Variants in ATR observed in about 807,000 individuals in gnomAD.
ATR encodes the protein ATR checkpoint kinase.
Under a neutral mutation model 305.3 loss-of-function variants are expected in ATR, and 142 were observed. The ratio of observed to expected loss-of-function variants is 0.47; its 90% CI spans 0.41 to 0.53. The LOEUF (loss-of-function observed/expected upper bound fraction) is 0.53, where lower values mean the gene tolerates loss of function less well. ATR is among the 20% of genes least tolerant of loss of function. The pLI, the probability that ATR is intolerant of heterozygous loss-of-function variation, is 0.00. For synonymous variants in ATR, 1,050 were observed against 1,068.1 expected, an observed-to-expected ratio of 0.98 and a Z score of 0.33; for missense variants, 2,135 against 3,133.1, an observed-to-expected ratio of 0.68 and a Z score of 7.60.
Position 142,467,958 on chromosome 3 carries a change from C to T in ATR, c.6663G>A (p.Lys2221=), listed in dbSNP as rs2108275836. The T allele has an allele frequency of 1.9e-6, 3 of 1,612,904 alleles. No homozygotes were observed. The highest frequency in any genetic ancestry group is 2.5e-6 in the Non-Finnish European group (3 of 1,179,460). ...CCGGTTTATTGCACAATTCTAGAAGCTTATCTGTTAGGCGAGTTGCATCTC... is the reference window on the plus strand; with the variant it reads ...CCGGTTTATTGCACAATTCTAGAAGTTTATCTGTTAGGCGAGTTGCATCTC... ...FVGDATRLTD[K]LLELCNKPVD... Residue 2221 remains lysine, a synonymous_variant, in exon 39 of 47, where the codon AAG becomes AAA. Transcript: ENST00000350721.
rs750736155 is a variant in ATR, at chr3:142,535,242, C to G, written c.3820-37G>C. On this transcript the variant is annotated intron_variant, in intron 20 of 46. Coordinates refer to ENST00000350721, the MANE Select transcript of ATR (RefSeq NM_001184.4). ...GCACAGAGAGACAGAACTTATTAAT[C>G]AACTATTTTAACAACCATTTCCAAA... 3.7e-6 allele frequency: 6 copies of G among 1,610,584 alleles called. No individual in the cohort carries two copies. In the African/African-American group the frequency reaches 5.3e-5, roughly 14 times the overall value.
At position 142,453,122 on chromosome 3, in the gene ATR, A is replaced by T. The variant is rs1324766766; in HGVS notation, c.7761+6T>A. On this transcript the variant is annotated splice_donor_region_variant and intron_variant, in intron 46 of 46. Transcript: ENST00000350721. ...CAGCCCATATCAAGCTATACCTTCT[A>T]CTAACCTTTTCATTGACAACTTCTC... is the stretch of plus-strand genomic sequence containing the variant. The T allele has an allele frequency of 6.2e-7, 1 of 1,614,028 alleles. No homozygotes were observed. Among genetic ancestry groups the T allele is most frequent in the South Asian group, 1.1e-5 (1 of 91,070 alleles).
Position 142,562,172 on chromosome 3 carries a change from G to A in ATR, c.1170+60C>T, listed in dbSNP as rs2034906054. On this transcript the variant is annotated intron_variant, in intron 4 of 46. Transcript: ENST00000350721. ...TCTTATTATTACATTTTGCACATAT[G>A]TATACAATTAAATGATGAACAAAAT... is the stretch of plus-strand genomic sequence containing the variant. 4 of 1,545,310 alleles carry A rather than the reference G, an allele frequency of 2.6e-6. No homozygotes were observed. The South Asian group carries it at 4.5e-5, about 18-fold the overall frequency.
chr3:142,527,412 GCTTT>G (rs1365962939), intron 21 of ATR, among the ~76,000 whole-genome samples: 1 of 151,986 alleles, frequency 6.6e-6, no homozygotes, highest in Non-Finnish European at 1.5e-5. Context: ...AATCTTTTAA[GCTTT>G]CTATTTCAGC....
At chr3:142,470,001 G>A (rs1281638391) in intron 37 of ATR, 85 bp downstream of exon 37, 1 of 1,038,182 alleles carries the variant, frequency 9.6e-7, no homozygotes, top group Non-Finnish European at 1.4e-6. Flanking sequence ...CAAGCTTCTA[G>A]GAAATTAGAC....
intron 33 of ATR, 148 bp from the exon 34 acceptor site, chr3:142,496,668 A>G (rs2031664574): frequency 2.5e-6 from 2 of 802,456 alleles, no homozygotes; most frequent in South Asian, 3.4e-5. Flanking sequence ...AACCTTCTTC[A>G]TATACTATTT....
In ATR at chr3:142,540,551, A is replaced by G. The variant is rs1577661437; in HGVS notation, c.3581+353T>C. 2.6e-5 allele frequency among the ~76,000 whole-genome samples: 4 copies of G among 152,284 alleles called. No homozygotes were observed. The South Asian group carries it at 8.3e-4, about 32-fold the overall frequency. ...ATGTCCTCATCCGTTAGATACATCT[A>G]AAGTATTTACAAGCACAATGATAAG... On this transcript the variant is annotated intron_variant, in intron 18 of 46. Transcript: ENST00000350721.
chr3:142,520,174 A>G (rs1195082984), intron 23 of ATR, among the ~76,000 whole-genome samples: 1 of 152,194 alleles, frequency 6.6e-6, no homozygotes, highest in Non-Finnish European at 1.5e-5. Flanking sequence ...TGCCCATATA[A>G]GACAGTGAAC....
At chr3:142,533,208 T>C (rs748770948) in intron 21 of ATR, among the ~76,000 whole-genome samples, 4 of 152,022 alleles carry the variant, frequency 2.6e-5, no homozygotes, top group Non-Finnish European at 5.9e-5. Flanking sequence ...AGTGGGAGAA[T>C]TGCTTGAGCC....
intron 35 of ATR, 37 bp downstream of exon 35, chr3:142,493,095 A>G: frequency 6.2e-7 from 1 of 1,600,656 alleles, no homozygotes; most frequent in South Asian, 1.1e-5. Context: ...TACGTAGTCA[A>G]CAGAGTTAAC....
intron 36 of ATR, among the ~76,000 whole-genome samples, chr3:142,479,415 C>T (rs1181520840): frequency 6.6e-6 from 1 of 152,096 alleles, no homozygotes; most frequent in African/African-American, 2.4e-5. Flanking sequence ...GAATATTGGC[C>T]CCCACTCTCT....
chr3:142,554,939 AAAAG>A (rs1008773848), intron 10 of ATR, among the ~76,000 whole-genome samples: 1 of 151,722 alleles, frequency 6.6e-6, no homozygotes, highest in African/African-American at 2.4e-5. Flanking sequence ...TAAAAAAAAA[AAAAG>A]AAAGAAGAAA....
intron 1 of ATR, among the ~76,000 whole-genome samples, chr3:142,570,589 T>C (rs1039007691): frequency 3.3e-5 from 5 of 152,194 alleles, no homozygotes; most frequent in Non-Finnish European, 7.3e-5. Flanking sequence ...GGTTTCTCCA[T>C]GTTGGTCAGG....
At chr3:142,456,432 G>A (rs2070908191) in intron 45 of ATR, among the ~76,000 whole-genome samples, 1 of 152,134 alleles carries the variant, frequency 6.6e-6, no homozygotes, top group Non-Finnish European at 1.5e-5. Context: ...GCCAGACATA[G>A]TGGCTCATGC....
intron 30 of ATR, among the ~76,000 whole-genome samples, chr3:142,502,113 T>A (rs999252691): frequency 6.6e-6 from 1 of 152,182 alleles, no homozygotes; most frequent in Admixed American, 6.5e-5. Context: ...AGAATACTTA[T>A]ACACTGTTGG....
chr3:142,499,660 G>C lies in ATR; in HGVS notation c.5347C>G (p.Gln1783Glu), dbSNP rs2031849790. ...AAATAGTTTTCCACCAAATCCCACT[G>C]TGACAATTTCCAAGCTGCTTCCACT... ...YRVEAAWKLS[Q>E]WDLVENYLAA... Residue 1783 changes from glutamine to glutamate, a missense_variant, in exon 31 of 47, where the codon CAG becomes GAG. Gln to Glu is a conservative substitution (Grantham distance 29). Coordinates refer to ENST00000350721, the MANE Select transcript of ATR (RefSeq NM_001184.4). 1 of 1,613,966 alleles carries C rather than the reference G, an allele frequency of 6.2e-7. No individual in the cohort carries two copies. The highest frequency in any genetic ancestry group is 8.5e-7 in the Non-Finnish European group (1 of 1,179,992).
chr3:142,528,667 T>C (rs1177604055), intron 21 of ATR, among the ~76,000 whole-genome samples: 2 of 151,368 alleles, frequency 1.3e-5, no homozygotes, highest in African/African-American at 4.8e-5. Flanking sequence ...TTTAAGGTTG[T>C]TCACACTTAT....
chr3:142,509,254 C>T (rs1230855042), intron 27 of ATR, among the ~76,000 whole-genome samples: 1 of 152,124 alleles, frequency 6.6e-6, no homozygotes, highest in Non-Finnish European at 1.5e-5. Context: ...GCAGCCTTCA[C>T]CTCCTGGACT....
intron 21 of ATR, among the ~76,000 whole-genome samples, chr3:142,530,886 C>T (rs1045086307): frequency 3.3e-5 from 5 of 152,182 alleles, no homozygotes; most frequent in African/African-American, 1.2e-4. Flanking sequence ...GACTTATTTT[C>T]AGTAATGTTG....
Sources: allele counts gnomAD v4.1 joint callset (sites outside exome capture counted in the v4.1 genomes callset), GRCh38; gene constraint gnomAD v4.1.1; transcripts MANE v1.5; gene names NCBI Gene and HGNC (gene_info 2026-07-23, HGNC 2026-07-21).